Variants in GALNT17 observed in about 807,000 individuals in gnomAD.
GALNT17 encodes the protein UDP-GalNAc:polypeptide N-acetylgalactosaminyltransferase-like 3.
In GALNT17, 29 loss-of-function variants were observed where a neutral mutation model predicts 63.7. That is an observed-to-expected ratio of 0.46 (90% CI 0.34 to 0.62). The LOEUF (loss-of-function observed/expected upper bound fraction) is 0.62, where lower values mean the gene tolerates loss of function less well. GALNT17 is among the 20% of genes least tolerant of loss of function. GALNT17 has a pLI of 0.01. For synonymous variants in GALNT17, 305 were observed against 318.3 expected, an observed-to-expected ratio of 0.96 and a Z score of 0.45; for missense variants, 603 against 799.6, an observed-to-expected ratio of 0.75 and a Z score of 2.97.
At chr7:71,442,147 A>T (rs1296060810) in intron 5 of GALNT17, among the ~76,000 whole-genome samples, 1 of 151,934 alleles carries the variant, frequency 6.6e-6, no homozygotes, top group Admixed American at 6.6e-5. Flanking sequence ...TCAGCAAGTT[A>T]TTTTTTTGAC....
chr7:71,199,791 T>G (rs1461712699), intron 1 of GALNT17, among the ~76,000 whole-genome samples: 1 of 151,398 alleles, frequency 6.6e-6, no homozygotes, highest in African/African-American at 2.4e-5. Context: ...TCTATCCATA[T>G]GTATATTCAT....
At chr7:71,391,281 C>T (rs1793046136) in intron 3 of GALNT17, among the ~76,000 whole-genome samples, 1 of 152,106 alleles carries the variant, frequency 6.6e-6, no homozygotes. Flanking sequence ...CAATGGCGCA[C>T]CCTCTCCTGA....
Position 71,273,854 on chromosome 7 carries a change from T to TGTGTGA in GALNT17, c.239-61695_239-61694insTGTGAG, listed in dbSNP as rs763085671. On this transcript the variant is annotated intron_variant, in intron 1 of 10. Coordinates refer to ENST00000333538, the MANE Select transcript of GALNT17 (RefSeq NM_022479.3). Reference sequence around the variant, plus strand: ...TAATGAGATAATGTGTGTGTGTGTGTGAGAGAGAGAGAGAGAGAGAGAGAA... The same window carrying TGTGTGA: ...TAATGAGATAATGTGTGTGTGTGTGTGTGTGAGAGAGAGAGAGAGAGAGAGAGAGAA... Among the ~76,000 whole-genome samples the TGTGTGA allele has an allele frequency of 1.5e-3, 220 of 151,452 alleles. 2 individuals carry two copies. The highest frequency in any genetic ancestry group is 7.3e-3 in the South Asian group (35 of 4,812).
rs2960871 is a variant in GALNT17, at chr7:71,393,755, A to C, written c.589+5354A>C. On this transcript the variant is annotated intron_variant, in intron 3 of 10. Transcript: ENST00000333538. Reference sequence around the variant, plus strand: ...GTTTTTATTTTAAGTCATTTGTTTCACTCAGTTTGAATATTGACATTGGCC... The same window carrying C: ...GTTTTTATTTTAAGTCATTTGTTTCCCTCAGTTTGAATATTGACATTGGCC... Among the ~76,000 whole-genome samples the C allele has an allele frequency of 2.7e-3, 409 of 152,172 alleles. 1 individual carries two copies. Among genetic ancestry groups the C allele is most frequent in the African/African-American group, 9.3e-3 (385 of 41,522 alleles).
intron 9 of GALNT17, among the ~76,000 whole-genome samples, chr7:71,694,359 A>AAT (rs373913968): frequency 7.2e-6 from 1 of 138,692 alleles, no homozygotes; most frequent in Admixed American, 7.5e-5. Flanking sequence ...AATTATCCCA[A>AAT]TTTTTTTTTT....
chr7:71,406,598 A>G (rs554461097), intron 3 of GALNT17, among the ~76,000 whole-genome samples: 164 of 152,128 alleles, frequency 1.1e-3, no homozygotes, highest in Non-Finnish European at 2.0e-3. Flanking sequence ...TTCATTTTTA[A>G]AGATAATATT....
At chr7:71,402,180 A>G (rs2960883) in intron 3 of GALNT17, among the ~76,000 whole-genome samples, 7,089 of 152,318 alleles carry the variant, frequency 0.047, 380 homozygotes, top group African/African-American at 0.13. Context: ...AGTCCTAACA[A>G]TATCATAAAG....
intron 5 of GALNT17, among the ~76,000 whole-genome samples, chr7:71,423,025 C>T (rs1261592459): frequency 2.3e-4 from 35 of 152,130 alleles, no homozygotes; most frequent in Non-Finnish European, 4.4e-5. Flanking sequence ...TGTTGCTAGC[C>T]TGCTGGTGTC....
intron 6 of GALNT17, among the ~76,000 whole-genome samples, chr7:71,600,848 A>G (rs1789956826): frequency 6.6e-6 from 1 of 151,758 alleles, no homozygotes; most frequent in African/African-American, 2.4e-5. Flanking sequence ...TTGTGAGATC[A>G]TGGTGCACCC....
At chr7:71,452,595 C>A (rs1563103713) in intron 5 of GALNT17, among the ~76,000 whole-genome samples, 1 of 152,116 alleles carries the variant, frequency 6.6e-6, no homozygotes, top group Non-Finnish European at 1.5e-5. Flanking sequence ...AATATATGAT[C>A]AGTTTTTATA....
Position 71,628,084 on chromosome 7 carries a change from A to G in GALNT17, c.1081-37327A>G, listed in dbSNP as rs189051262. Reference sequence around the variant, plus strand: ...GGGGATCTCAGGGGGAAAAAAGTCTAAAAATGCCTCATAGAGAGGTGATAA... The same window carrying G: ...GGGGATCTCAGGGGGAAAAAAGTCTGAAAATGCCTCATAGAGAGGTGATAA... On this transcript the variant is annotated intron_variant, in intron 6 of 10. Transcript: ENST00000333538. Among the ~76,000 whole-genome samples, 484 of 150,610 alleles carry G rather than the reference A, an allele frequency of 3.2e-3. 3 individuals are homozygous for G. The highest frequency in any genetic ancestry group is 0.017 in the Middle Eastern group (5 of 294).
chr7:71,440,996 A>G (rs1787056233), intron 5 of GALNT17, among the ~76,000 whole-genome samples: 1 of 150,186 alleles, frequency 6.7e-6, no homozygotes, highest in Admixed American at 6.8e-5. Flanking sequence ...GAGAGAAAGC[A>G]TATCAGTTTT....
At chr7:71,237,015 C>T (rs1789904032) in intron 1 of GALNT17, among the ~76,000 whole-genome samples, 2 of 152,250 alleles carry the variant, frequency 1.3e-5, no homozygotes, top group African/African-American at 4.8e-5. Flanking sequence ...TGCCAGAACA[C>T]CCAGGGAATC....
At chr7:71,245,848 G>GTTTTTTTTTCTTTTTTTTTTTTT (rs1790083396) in intron 1 of GALNT17, among the ~76,000 whole-genome samples, 1 of 122,892 alleles carries the variant, frequency 8.1e-6, no homozygotes, top group Non-Finnish European at 1.8e-5. Flanking sequence ...AAGAGAGCAG[G>GTTTTTTTTTCTTTTTTTTTTTTT]TTTTTTTTTT....
At chr7:71,245,614 A>G (rs1790079554) in intron 1 of GALNT17, among the ~76,000 whole-genome samples, 1 of 152,242 alleles carries the variant, frequency 6.6e-6, no homozygotes, top group Non-Finnish European at 1.5e-5. Flanking sequence ...TCTGAAGGTT[A>G]ACGCCCTGTG....
chr7:71,528,131 G>A (rs1049077736), intron 5 of GALNT17, among the ~76,000 whole-genome samples: 2 of 152,164 alleles, frequency 1.3e-5, no homozygotes, highest in Admixed American at 6.5e-5. Context: ...TGTTGTTGCT[G>A]TTTTTGATAT....
intron 5 of GALNT17, among the ~76,000 whole-genome samples, chr7:71,520,146 T>C (rs1788506603): frequency 6.6e-6 from 1 of 152,132 alleles, no homozygotes; most frequent in African/African-American, 2.4e-5. Context: ...TAGCCCATTG[T>C]ATGTATGGCG....
rs780427351 is a variant in GALNT17 at position 71,446,845 on chromosome 7, G to A, written c.962+25740G>A. Among the ~76,000 whole-genome samples, 5 of 152,268 alleles carry A rather than the reference G, an allele frequency of 3.3e-5. No individual in the cohort carries two copies. In the East Asian group the frequency reaches 5.8e-4, roughly 18 times the overall value. Reference sequence around the variant, plus strand: ...ATTACAGGCATGAACCACTGCGGCCGACTCTATTCTTTTAAATATGCCTTT... The same window carrying A: ...ATTACAGGCATGAACCACTGCGGCCAACTCTATTCTTTTAAATATGCCTTT... On this transcript the variant is annotated intron_variant, in intron 5 of 10. Transcript: ENST00000333538.
intron 5 of GALNT17, among the ~76,000 whole-genome samples, chr7:71,528,295 C>T (rs1788658149): frequency 6.6e-6 from 1 of 152,170 alleles, no homozygotes; most frequent in Non-Finnish European, 1.5e-5. Context: ...TGGGCTGCTC[C>T]CATCTGGGAG....
Sources: gnomAD v4.1 joint callset for allele counts (sites outside exome capture counted in the v4.1 genomes callset) on GRCh38, gnomAD v4.1.1 for gene constraint, MANE v1.5 for transcripts, NCBI Gene and HGNC (gene_info 2026-07-23, HGNC 2026-07-21) for gene names.